Variants in KIAA0319 observed in about 807,000 individuals in gnomAD.
KIAA0319 encodes the protein KIAA0319, also known as dyslexia-associated protein KIAA0319.
A neutral mutation model predicts 108.4 loss-of-function variants in KIAA0319; 83 were observed. The observed-to-expected ratio is 0.77, with a 90% confidence interval of 0.64 to 0.92. The LOEUF is 0.92. KIAA0319 is among the 40% of genes least tolerant of loss of function. KIAA0319 has a pLI of 0.00. For synonymous variants in KIAA0319, 484 were observed against 510.4 expected (o/e 0.95, Z 0.70); for missense variants, 1,195 against 1,322.4 (o/e 0.90, Z 1.49).
At chr6:24,553,155 T>G (rs1003476463) in intron 19 of KIAA0319, among the ~76,000 whole-genome samples, 1 of 151,812 alleles carries the variant, frequency 6.6e-6, no homozygotes, top group Middle Eastern at 3.4e-3. Flanking sequence ...ATGATTCAGG[T>G]GGATTCGATT....
At chr6:24,629,960 G>A (rs1472587640) in intron 1 of KIAA0319, among the ~76,000 whole-genome samples, 1 of 152,136 alleles carries the variant, frequency 6.6e-6, no homozygotes, top group African/African-American at 2.4e-5. Flanking sequence ...GCTGAGGTGG[G>A]AGGCTCACCT....
At chr6:24,588,890 G>A (rs1006290308) in intron 3 of KIAA0319, 105 bp from the exon 4 acceptor site, 2 of 935,646 alleles carry the variant, frequency 2.1e-6, no homozygotes, top group South Asian at 3.3e-5. Context: ...CTTTGGTAAT[G>A]TTTGAAAAAC....
chr6:24,570,273 A>G (rs1166411512), intron 11 of KIAA0319, among the ~76,000 whole-genome samples: 1 of 152,154 alleles, frequency 6.6e-6, no homozygotes, highest in Non-Finnish European at 1.5e-5. Context: ...TAATAGACAC[A>G]TCTTTGGTTT....
chr6:24,574,577 T>A (rs1184362747), intron 10 of KIAA0319, among the ~76,000 whole-genome samples: 1 of 152,238 alleles, frequency 6.6e-6, no homozygotes, highest in African/African-American at 2.4e-5. Flanking sequence ...GGTAATAATT[T>A]CAATTATTGC....
At position 24,552,167 on chromosome 6, in the gene KIAA0319, A is replaced by C. The variant is rs183582522; in HGVS notation, c.2949-642T>G. 2.7e-3 allele frequency among the ~76,000 whole-genome samples: 410 copies of C among 152,356 alleles called. 1 individual carries two copies. The highest frequency in any genetic ancestry group is 4.6e-3 in the Non-Finnish European group (314 of 68,032). On this transcript the variant is annotated intron_variant, in intron 19 of 20. Transcript: ENST00000378214. ...AGTAAAAAAGCAATATTCTGGGAGCATGATGATCAGAAGCATAGGTCTCAA... is the reference window on the plus strand; with the variant it reads ...AGTAAAAAAGCAATATTCTGGGAGCCTGATGATCAGAAGCATAGGTCTCAA...
chr6:24,611,889 T>TA (rs199942901), intron 1 of KIAA0319, among the ~76,000 whole-genome samples: 285 of 149,744 alleles, frequency 1.9e-3, no homozygotes, highest in Non-Finnish European at 3.6e-3. Context: ...ACCTATCCCT[T>TA]AAAAAAAAAT....
chr6:24,593,517 C>T (rs911349869), intron 3 of KIAA0319, among the ~76,000 whole-genome samples: 5 of 151,410 alleles, frequency 3.3e-5, no homozygotes, highest in African/African-American at 4.9e-5. Flanking sequence ...CTCAGCCTCC[C>T]GAGTAGCTGG....
At chr6:24,547,714 A>C (rs956754006) in intron 20 of KIAA0319, among the ~76,000 whole-genome samples, 54 of 152,248 alleles carry the variant, frequency 3.5e-4, no homozygotes, top group African/African-American at 9.2e-4. Context: ...CCTTTAGTAC[A>C]TTGTAAGCAT....
At chr6:24,641,180 T>C (rs529395505) in intron 1 of KIAA0319, among the ~76,000 whole-genome samples, 2 of 152,378 alleles carry the variant, frequency 1.3e-5, no homozygotes, top group South Asian at 2.1e-4. Flanking sequence ...TCCAGCTTAT[T>C]TCACTTAGCG....
At position 24,596,238 on chromosome 6, in the gene KIAA0319, T is replaced by C; in HGVS notation, c.436A>G (p.Lys146Glu). 5 of 1,614,174 alleles carry C rather than the reference T, an allele frequency of 3.1e-6. No individual in the cohort carries two copies. The highest frequency in any genetic ancestry group is 2.2e-5 in the East Asian group (1 of 44,874). Reference protein sequence around the residue: ...DIRKDLTFLGKDWGLEEMSEY... With the variant: ...DIRKDLTFLGEDWGLEEMSEY... ...GACATCTCCTCTAGGCCCCAATCTT[T>C]GCCTAGAAAGGTCAAGTCCTTTCTG... The change falls in exon 3 of 21, where the codon AAA becomes GAA. Residue 146 changes from lysine to glutamate, a missense_variant. Coordinates refer to ENST00000378214, the MANE Select transcript of KIAA0319 (RefSeq NM_014809.4).
intron 1 of KIAA0319, among the ~76,000 whole-genome samples, chr6:24,611,477 C>T (rs554674230): frequency 6.6e-5 from 10 of 151,720 alleles, no homozygotes; most frequent in South Asian, 2.1e-4. Flanking sequence ...CTAGCCCGGG[C>T]GACAGAGAAA....
chr6:24,566,690 A>T lies in KIAA0319; in HGVS notation c.2199T>A (p.Asn733Lys). ...TTGAACCATCCAAAGTAATGGAATT[A>T]TTGGGAAGCACAAGAACATGTCTGC... ...AGGRHVLVLP[N>K]NSITLDGSRS... Residue 733 changes from asparagine to lysine, a missense_variant, in exon 14 of 21, where the codon AAT becomes AAA. Transcript: ENST00000378214. The T allele has an allele frequency of 1.2e-6, 2 of 1,613,678 alleles. No homozygotes were observed. Among genetic ancestry groups the T allele is most frequent in the Non-Finnish European group, 1.7e-6 (2 of 1,179,750 alleles).
At position 24,569,014 on chromosome 6, in the gene KIAA0319, G is replaced by A; in HGVS notation, c.1992-85C>T. 2.2e-6 allele frequency: 3 copies of A among 1,373,748 alleles called. No homozygotes were observed. In the South Asian group the frequency reaches 3.7e-5, roughly 17 times the overall value. 85.1% of individuals were successfully genotyped at this position (1,373,748 alleles called of 1,614,324 possible). On this transcript the variant is annotated intron_variant, in intron 12 of 20. Coordinates refer to ENST00000378214, the MANE Select transcript of KIAA0319 (RefSeq NM_014809.4). ...GCATGCGATTTGTGCTCTTATAAAT[G>A]TTTTGTTCCAGCTATAATATATACC...
intron 10 of KIAA0319, 56 bp from the exon 11 acceptor site, chr6:24,572,754 C>G: frequency 2.0e-6 from 3 of 1,478,638 alleles, no homozygotes; most frequent in Non-Finnish European, 2.7e-6. Flanking sequence ...AGTAAAGAAG[C>G]ACAAGTAAAT....
chr6:24,552,234 G>C (rs1761617508), intron 19 of KIAA0319, among the ~76,000 whole-genome samples: 1 of 152,212 alleles, frequency 6.6e-6, no homozygotes. Context: ...AATTAATTGA[G>C]ACTTTTGTGC....
intron 14 of KIAA0319, among the ~76,000 whole-genome samples, chr6:24,565,803 G>A (rs1477322444): frequency 6.7e-6 from 1 of 150,304 alleles, no homozygotes; most frequent in African/African-American, 2.5e-5. Flanking sequence ...AGTTAACCTC[G>A]GCCAAGTCAC....
chr6:24,595,769 G>A, intron 3 of KIAA0319, 104 bp downstream of exon 3: 1 of 1,297,032 alleles, frequency 7.7e-7, no homozygotes, highest in Non-Finnish European at 1.1e-6. Flanking sequence ...ACCTCCTTAA[G>A]CTCATACAGC....
At chr6:24,597,995 G>C (rs1231114862) in intron 2 of KIAA0319, 2 of 171,942 alleles carry the variant, frequency 1.2e-5, no homozygotes, top group Non-Finnish European at 2.3e-5. Context: ...ACCTGGTTCA[G>C]CCCTCCTGCC....
intron 4 of KIAA0319, among the ~76,000 whole-genome samples, chr6:24,584,088 G>T (rs1294921189): frequency 6.6e-6 from 1 of 152,100 alleles, no homozygotes; most frequent in African/African-American, 2.4e-5. Flanking sequence ...AAGATTGAGT[G>T]TAATCCTAAG....
Sources: gnomAD v4.1 joint callset for allele counts (sites outside exome capture counted in the v4.1 genomes callset) on GRCh38, gnomAD v4.1.1 for gene constraint, MANE v1.5 for transcripts, NCBI Gene and HGNC (gene_info 2026-07-23, HGNC 2026-07-21) for gene names.